The following KDM3B variants were observed in gnomAD, a reference collection of about 807,000 sequenced individuals.
KDM3B encodes lysine demethylase 3B.
A neutral mutation model predicts 170.0 loss-of-function variants in KDM3B; 10 were observed. The ratio of observed to expected loss-of-function variants is 0.06; its 90% CI spans 0.04 to 0.10. The LOEUF (loss-of-function observed/expected upper bound fraction) is 0.10, where lower values mean the gene tolerates loss of function less well. Ranked by LOEUF, KDM3B falls within the 10% of genes least tolerant of loss-of-function variation. KDM3B has a pLI of 1.00. For synonymous variants in KDM3B, 831 were observed against 834.8 expected (o/e 1.00, Z 0.08); for missense variants, 1,394 against 2,195.2 (o/e 0.64, Z 7.29).
At position 138,379,631 on chromosome 5, in the gene KDM3B, G is replaced by T. The variant is rs775042309; in HGVS notation, c.628G>T (p.Gly210Trp). 6.2e-7 allele frequency: 1 copy of T among 1,613,698 alleles called. No homozygotes were observed. The highest frequency in any genetic ancestry group is 8.5e-7 in the Non-Finnish European group (1 of 1,179,740). ...GHRVKIYQPE[G>W]EEGWLYGVVS... ...CAGGGTCAAAATATATCAGCCAGAG[G>T]GGGAAGAAGGGTGGCTCTATGGTGT... Residue 210 changes from glycine (G) to tryptophan (W), a missense_variant, in exon 5 of 24, where the codon GGG becomes TGG. Gly to Trp is a radical substitution (Grantham distance 184, BLOSUM62 -2). Around this residue, in one of 19 missense-constraint regions of KDM3B, gnomAD observed 166 missense variants for 216.4 expected, o/e 0.77. Transcript: ENST00000314358.
At position 138,379,635 on chromosome 5, in the gene KDM3B, A is replaced by C; in HGVS notation, c.632A>C (p.Glu211Ala). The change falls in exon 5 of 24, where the codon GAA becomes GCA. Residue 211 changes from glutamate (E) to alanine (A), a missense_variant. Coordinates refer to ENST00000314358, the MANE Select transcript of KDM3B (RefSeq NM_016604.4). ...HRVKIYQPEG[E>A]EGWLYGVVSH... ...GTCAAAATATATCAGCCAGAGGGGG[A>C]AGAAGGGTGGCTCTATGGTGTTGTG... 1 of 1,613,378 alleles carries C rather than the reference A, an allele frequency of 6.2e-7. No individual in the cohort carries two copies. The highest frequency in any genetic ancestry group is 8.5e-7 in the Non-Finnish European group (1 of 1,179,642).
chr5:138,427,903 A>C, intron 19 of KDM3B, 64 bp from the exon 20 acceptor site: 1 of 1,489,508 alleles, frequency 6.7e-7, no homozygotes, highest in Non-Finnish European at 9.3e-7. Flanking sequence ...TTTCAGATGT[A>C]GTGTCGACGT....
chr5:138,434,405 A>G (rs1057228870), intron 23 of KDM3B, among the ~76,000 whole-genome samples: 1 of 151,918 alleles, frequency 6.6e-6, no homozygotes, highest in Non-Finnish European at 1.5e-5. Context: ...AAAATTAGCC[A>G]GGCATGGTGG....
At position 138,376,437 on chromosome 5, in the gene KDM3B, G is replaced by C. The variant is rs536563311; in HGVS notation, c.474+1231G>C. On this transcript the variant is annotated intron_variant, in intron 3 of 23. Coordinates refer to ENST00000314358, the MANE Select transcript of KDM3B (RefSeq NM_016604.4). Reference sequence around the variant, plus strand: ...GAGGTGGCTTCGGCCAGGCGCGGTGGCTCACGCCTGTAATCTCAGCACTTT... The same window carrying C: ...GAGGTGGCTTCGGCCAGGCGCGGTGCCTCACGCCTGTAATCTCAGCACTTT... Among the ~76,000 whole-genome samples the C allele has an allele frequency of 5.3e-5, 8 of 151,992 alleles. No homozygotes were observed. The East Asian group carries it at 1.6e-3, about 30-fold the overall frequency.
chr5:138,374,315 T>A, intron 2 of KDM3B: 1 of 442,114 alleles, frequency 2.3e-6, no homozygotes, highest in East Asian at 7.8e-5. Context: ...CAGGCTGGAG[T>A]GCAATGGCTC....
intron 1 of KDM3B, among the ~76,000 whole-genome samples, chr5:138,363,665 G>A (rs1761672889): frequency 6.6e-6 from 1 of 152,100 alleles, no homozygotes; most frequent in Non-Finnish European, 1.5e-5. Flanking sequence ...TCCTGCCTCA[G>A]CCTCCTGAGT....
intron 5 of KDM3B, 105 bp from the exon 6 acceptor site, chr5:138,381,411 G>GT: frequency 1.4e-6 from 1 of 714,554 alleles, no homozygotes; most frequent in Non-Finnish European, 2.4e-6. Context: ...TTTCATTCTA[G>GT]TAGGTGAGTT....
At chr5:138,394,394 A>G (rs1762502257) in intron 9 of KDM3B, among the ~76,000 whole-genome samples, 1 of 152,170 alleles carries the variant, frequency 6.6e-6, no homozygotes, top group South Asian at 2.1e-4. Context: ...AAAAAATAAT[A>G]AGTGATATGT....
chr5:138,419,395 C>T (rs1000804544), intron 14 of KDM3B, among the ~76,000 whole-genome samples, 163 bp downstream of exon 14: 42 of 152,054 alleles, frequency 2.8e-4, no homozygotes, highest in Non-Finnish European at 7.4e-5. Flanking sequence ...GTGGCTCACG[C>T]GTGTAATCCC....
chr5:138,384,244 T>A (rs1762198427), intron 6 of KDM3B, among the ~76,000 whole-genome samples: 1 of 135,246 alleles, frequency 7.4e-6, no homozygotes, highest in Admixed American at 7.4e-5. Flanking sequence ...AGACTCCGAC[T>A]TAAAAAAAAA....
Position 138,417,567 on chromosome 5 carries a change from A to C in KDM3B, c.3392A>C (p.Asn1131Thr). ...KANCPCISRQ[N>T]KSVLRPAVTN... ...AACTGCCCTTGTATCAGTCGACAGAACAAATCTGTATTGAGACCTGCCGTC... is the reference window on the plus strand; with the variant it reads ...AACTGCCCTTGTATCAGTCGACAGACCAAATCTGTATTGAGACCTGCCGTC... The change falls in exon 13 of 24, where the codon AAC (asparagine) becomes ACC (threonine). Residue 1131 changes from asparagine (N) to threonine (T), a missense_variant. Physicochemically the swap from Asn to Thr is moderately conservative, Grantham distance 65. This residue lies in a region of KDM3B where 14 missense variants were observed against 32.5 expected (regional missense o/e 0.43). Coordinates refer to ENST00000314358, the MANE Select transcript of KDM3B (RefSeq NM_016604.4). 6.2e-7 allele frequency: 1 copy of C among 1,614,158 alleles called. No homozygotes were observed. The highest frequency in any genetic ancestry group is 8.5e-7 in the Non-Finnish European group (1 of 1,179,994).
At chr5:138,408,832 C>T (rs1762890861) in intron 11 of KDM3B, among the ~76,000 whole-genome samples, 1 of 152,128 alleles carries the variant, frequency 6.6e-6, no homozygotes, top group South Asian at 2.1e-4. Flanking sequence ...TCTAAATTAT[C>T]AAAAACCTAG....
intron 6 of KDM3B, among the ~76,000 whole-genome samples, chr5:138,382,408 C>T (rs1295460722): frequency 1.3e-5 from 2 of 151,996 alleles, no homozygotes; most frequent in African/African-American, 2.4e-5. Flanking sequence ...GCTGAGATCG[C>T]ACCATTGCAC....
intron 8 of KDM3B, 85 bp downstream of exon 8, chr5:138,392,346 C>T: frequency 7.6e-7 from 1 of 1,322,058 alleles, no homozygotes; most frequent in Non-Finnish European, 1.0e-6. Flanking sequence ...GAGGCACTCA[C>T]TTTGATGGAG....
intron 11 of KDM3B, among the ~76,000 whole-genome samples, chr5:138,413,465 G>C (rs1195255068): frequency 6.6e-6 from 1 of 152,008 alleles, no homozygotes; most frequent in Non-Finnish European, 1.5e-5. Flanking sequence ...TGGTAGGAAT[G>C]CAGATTGGTA....
chr5:138,372,938 T>G lies in KDM3B; in HGVS notation c.360+97T>G, dbSNP rs1761908814. On this transcript the variant is annotated intron_variant, in intron 2 of 23. Transcript: ENST00000314358. ...CAGAGTATGTGTAAGAACTACATAC[T>G]TTGTCCTTAACGTACATTTATTCTG... 2.7e-6 allele frequency: 3 copies of G among 1,096,572 alleles called. No individual in the cohort carries two copies. The African/African-American group carries it at 4.7e-5, about 17-fold the overall frequency. 67.9% of individuals were successfully genotyped at this position (1,096,572 alleles called of 1,614,324 possible). A position where few individuals can be genotyped will look rare whatever the true frequency, so the allele number is the denominator to read the frequency against.
intron 11 of KDM3B, among the ~76,000 whole-genome samples, chr5:138,407,544 G>T: frequency 6.6e-6 from 1 of 152,100 alleles, no homozygotes; most frequent in Non-Finnish European, 1.5e-5. Flanking sequence ...GGCACGAGAT[G>T]ATGAACCTCA....
intron 1 of KDM3B, among the ~76,000 whole-genome samples, chr5:138,371,862 G>T (rs1761882735): frequency 6.6e-6 from 1 of 152,094 alleles, no homozygotes; most frequent in African/African-American, 2.4e-5. Context: ...GGTGGCTCAT[G>T]CCTGCAATCC....
Position 138,417,518 on chromosome 5 carries a change from C to T in KDM3B, c.3343C>T (p.Arg1115Trp), listed in dbSNP as rs1287032605. 1 of 1,613,874 alleles carries T rather than the reference C, an allele frequency of 6.2e-7. No homozygotes were observed. The highest frequency in any genetic ancestry group is 8.5e-7 in the Non-Finnish European group (1 of 1,179,974). ...YNIGDMVHAA[R>W]GKWGIKANCP... is the part of the protein sequence containing the mutation. ...TATTGGAGACATGGTACATGCTGCC[C>T]GGGGCAAGTGGGGAATTAAAGCAAA... The change falls in exon 13 of 24, where the codon CGG becomes TGG. Residue 1115 changes from arginine (R) to tryptophan (W), a missense_variant. By Grantham distance (101) the Arg-to-Trp change is moderately radical. This residue lies in a region of KDM3B where 1 missense variants were observed against 18.8 expected (regional missense o/e 0.05). Coordinates refer to ENST00000314358, the MANE Select transcript of KDM3B (RefSeq NM_016604.4).
Sources: allele counts gnomAD v4.1 joint callset (sites outside exome capture counted in the v4.1 genomes callset), GRCh38; gene constraint gnomAD v4.1.1; regional missense constraint gnomAD v4.1.1; transcripts MANE v1.5; gene names NCBI Gene and HGNC (gene_info 2026-07-23, HGNC 2026-07-21).